CTNNA1: variants seen among roughly 807,000 people sequenced by gnomAD.
CTNNA1 encodes the protein catenin alpha-1.
Under a neutral mutation model 98.4 loss-of-function variants are expected in CTNNA1, and 37 were observed. The observed-to-expected ratio is 0.38, with a 90% CI of 0.29 to 0.49. CTNNA1 has a LOEUF of 0.49. Among genes scored for constraint, CTNNA1 ranks in the 20% least tolerant of loss-of-function variants. The pLI is 0.95. For missense variants in CTNNA1, 761 were observed against 1,147.2 expected, an observed-to-expected ratio of 0.66 and a Z score of 4.86; for synonymous variants, 404 against 413.2, an observed-to-expected ratio of 0.98 and a Z score of 0.27.
intron 9 of CTNNA1, among the ~76,000 whole-genome samples, chr5:138,893,620 T>A (rs1292366935): frequency 1.3e-5 from 2 of 151,686 alleles, no homozygotes; most frequent in Admixed American, 1.3e-4. Flanking sequence ...AATTATTTTT[T>A]AAAATTTATT....
intron 3 of CTNNA1, among the ~76,000 whole-genome samples, chr5:138,804,285 G>GA (rs1757867003): frequency 6.6e-6 from 1 of 152,062 alleles, no homozygotes; most frequent in African/African-American, 2.4e-5. Context: ...TTCAATACTG[G>GA]TTTTTTTTCC....
At chr5:138,812,661 T>C (rs944682681) in intron 5 of CTNNA1, among the ~76,000 whole-genome samples, 1 of 152,230 alleles carries the variant, frequency 6.6e-6, no homozygotes, top group African/African-American at 2.4e-5. Context: ...TTAAATATAC[T>C]GGAATTATCT....
intron 9 of CTNNA1, among the ~76,000 whole-genome samples, chr5:138,895,547 T>C (rs1756596269): frequency 6.6e-6 from 1 of 151,972 alleles, no homozygotes; most frequent in Non-Finnish European, 1.5e-5. Context: ...TTCAAAAACC[T>C]GTAGCAAACT....
intron 17 of CTNNA1, 174 bp downstream of exon 17, chr5:138,932,886 A>G (rs984422136): frequency 4.6e-6 from 4 of 873,140 alleles, no homozygotes; most frequent in African/African-American, 3.3e-5. Flanking sequence ...TGTTCCCTGT[A>G]GAACTGTGAC....
chr5:138,876,958 T>C (rs925616526), intron 7 of CTNNA1, among the ~76,000 whole-genome samples: 3 of 152,214 alleles, frequency 2.0e-5, no homozygotes, highest in Non-Finnish European at 4.4e-5. Context: ...GCAGGAATGC[T>C]CTGAGAGTCT....
intron 7 of CTNNA1, 25 bp from the exon 8 acceptor site, chr5:138,886,187 G>A (rs1317683164): frequency 1.2e-6 from 2 of 1,604,140 alleles, no homozygotes; most frequent in Non-Finnish European, 1.7e-6. Flanking sequence ...TGAATAAAAT[G>A]CTCATCTCTT....
chr5:138,837,403 G>C (rs1761880166), intron 7 of CTNNA1, among the ~76,000 whole-genome samples: 1 of 151,708 alleles, frequency 6.6e-6, no homozygotes, highest in Admixed American at 6.6e-5. Flanking sequence ...TACTCATTTA[G>C]TTGTTTCTTC....
intron 7 of CTNNA1, among the ~76,000 whole-genome samples, chr5:138,829,415 G>C (rs150628294): frequency 3.9e-5 from 6 of 152,196 alleles, no homozygotes; most frequent in African/African-American, 1.4e-4. Context: ...ATGTAGTTAT[G>C]ATGAGGAAAT....
At chr5:138,804,508 T>C (rs1757888782) in intron 3 of CTNNA1, among the ~76,000 whole-genome samples, 1 of 152,242 alleles carries the variant, frequency 6.6e-6, no homozygotes, top group Non-Finnish European at 1.5e-5. Flanking sequence ...CATTACCTTC[T>C]GTCTCTATGG....
chr5:138,862,586 G>C (rs2149887753), intron 7 of CTNNA1, among the ~76,000 whole-genome samples: 1 of 152,122 alleles, frequency 6.6e-6, no homozygotes, highest in Admixed American at 6.5e-5. Context: ...TTTGAGTTAG[G>C]GATTTTAAAC....
chr5:138,814,144 C>T (rs1194666657), intron 5 of CTNNA1, among the ~76,000 whole-genome samples: 1 of 152,050 alleles, frequency 6.6e-6, no homozygotes, highest in Non-Finnish European at 1.5e-5. Context: ...AAGATGTGAT[C>T]AGACTAACTT....
intron 7 of CTNNA1, among the ~76,000 whole-genome samples, chr5:138,854,849 C>A (rs115246213): frequency 6.6e-6 from 1 of 152,330 alleles, no homozygotes; most frequent in Non-Finnish European, 1.5e-5. Context: ...GGGACATACA[C>A]TTTGAGTGAT....
chr5:138,851,143 A>G (rs1763147174), intron 7 of CTNNA1, among the ~76,000 whole-genome samples: 1 of 152,244 alleles, frequency 6.6e-6, no homozygotes, highest in South Asian at 2.1e-4. Context: ...ATAATTCCAC[A>G]AAATGGTTTC....
At chr5:138,763,445 C>G (rs1752585092) in intron 1 of CTNNA1, among the ~76,000 whole-genome samples, 1 of 152,112 alleles carries the variant, frequency 6.6e-6, no homozygotes, top group African/African-American at 2.4e-5. Context: ...CAGGGTCAAG[C>G]CATCCTCCCA....
At chr5:138,843,227 G>C (rs1264144161) in intron 7 of CTNNA1, among the ~76,000 whole-genome samples, 1 of 152,192 alleles carries the variant, frequency 6.6e-6, no homozygotes, top group African/African-American at 2.4e-5. Flanking sequence ...AAAGCAGAAA[G>C]TTGATGATTT....
At chr5:138,776,822 C>T (rs897514063) in intron 1 of CTNNA1, among the ~76,000 whole-genome samples, 6 of 136,054 alleles carry the variant, frequency 4.4e-5, no homozygotes, top group Non-Finnish European at 6.3e-5. Flanking sequence ...ACCTCCCTCC[C>T]GGACGGGGCG....
At chr5:138,919,368 T>C (rs899965593) in intron 11 of CTNNA1, among the ~76,000 whole-genome samples, 1 of 152,164 alleles carries the variant, frequency 6.6e-6, no homozygotes, top group African/African-American at 2.4e-5. Flanking sequence ...TTAGGTTGGG[T>C]ATGTCTCAGG....
intron 7 of CTNNA1, among the ~76,000 whole-genome samples, chr5:138,857,385 T>G (rs1028198843): frequency 6.6e-6 from 1 of 152,236 alleles, no homozygotes; most frequent in South Asian, 2.1e-4. Context: ...TGTCTCAGAT[T>G]ACTGGCTCTG....
chr5:138,908,283 A>G (rs1759737027), intron 10 of CTNNA1, among the ~76,000 whole-genome samples: 1 of 152,178 alleles, frequency 6.6e-6, no homozygotes, highest in Non-Finnish European at 1.5e-5. Flanking sequence ...AGTTTGCCCT[A>G]TAGCAAATTA....
Sources: gnomAD v4.1 joint callset for allele counts (sites outside exome capture counted in the v4.1 genomes callset) on GRCh38, gnomAD v4.1.1 for gene constraint, MANE v1.5 for transcripts, NCBI Gene and HGNC (gene_info 2026-07-23, HGNC 2026-07-21) for gene names.